Variants in PPP3CA observed in about 807,000 individuals in gnomAD.
The protein encoded by PPP3CA is protein phosphatase 3 catalytic subunit alpha, also known as CAM-PRP catalytic subunit.
PPP3CA carries 14 observed loss-of-function variants against 66.5 expected under a neutral mutation model. That is an observed-to-expected ratio of 0.21 (90% CI 0.14 to 0.33). PPP3CA has a LOEUF of 0.33. Among genes scored for constraint, PPP3CA ranks in the 10% least tolerant of loss-of-function variants. PPP3CA has a pLI of 1.00. For synonymous variants in PPP3CA, 232 were observed against 226.2 expected (o/e 1.03, Z -0.23); for missense variants, 317 against 639.5 (o/e 0.50, Z 5.44).
intron 10 of PPP3CA, among the ~76,000 whole-genome samples, chr4:101,056,964 C>G (rs1728250883): frequency 6.6e-6 from 1 of 152,020 alleles, no homozygotes; most frequent in Non-Finnish European, 1.5e-5. Context: ...CTAACCCTAA[C>G]CCTTTGAGGA....
chr4:101,311,233 T>C (rs1433644659), intron 1 of PPP3CA, among the ~76,000 whole-genome samples: 2 of 152,224 alleles, frequency 1.3e-5, no homozygotes, highest in African/African-American at 4.8e-5. Context: ...TTCTCTGTTT[T>C]AGGAGGAAGA....
intron 1 of PPP3CA, among the ~76,000 whole-genome samples, chr4:101,217,920 TG>T (rs1315854888): frequency 6.6e-6 from 1 of 152,012 alleles, no homozygotes; most frequent in Admixed American, 6.6e-5. Flanking sequence ...CATTCCTGCA[TG>T]GGGTAGACAC....
chr4:101,164,092 CTGTGAAGA>C (rs1723608533), intron 2 of PPP3CA, among the ~76,000 whole-genome samples: 1 of 151,384 alleles, frequency 6.6e-6, no homozygotes, highest in African/African-American at 2.4e-5. Context: ...AACTGATCCT[CTGTGAAGA>C]GCCCTTCCTC....
intron 2 of PPP3CA, among the ~76,000 whole-genome samples, chr4:101,132,293 A>G (rs35170337): frequency 6.6e-6 from 1 of 152,032 alleles, no homozygotes; most frequent in Non-Finnish European, 1.5e-5. Flanking sequence ...AAAAACCTTC[A>G]AAAAAATCAG....
In PPP3CA at chr4:101,256,623, G is replaced by T. The variant is rs17031040; in HGVS notation, c.59-60507C>A. Reference sequence around the variant, plus strand: ...TTAAATGACTATTAAGAAGTCTGATGAAGTTAAACTGAGATATGATGATTG... The same window carrying T: ...TTAAATGACTATTAAGAAGTCTGATTAAGTTAAACTGAGATATGATGATTG... On this transcript the variant is annotated intron_variant, in intron 1 of 13. Coordinates refer to ENST00000394854, the MANE Select transcript of PPP3CA (RefSeq NM_000944.5). Among the ~76,000 whole-genome samples, 1,468 of 152,090 alleles carry T rather than the reference G, an allele frequency of 9.7e-3. 19 individuals carry two copies. The highest frequency in any genetic ancestry group is 0.034 in the African/African-American group (1,395 of 41,516).
chr4:101,044,508 T>TA (rs1475531142), intron 10 of PPP3CA, among the ~76,000 whole-genome samples: 1 of 152,190 alleles, frequency 6.6e-6, no homozygotes, highest in Non-Finnish European at 1.5e-5. Context: ...TCTTTCCACT[T>TA]AAAAAAACAT....
intron 2 of PPP3CA, among the ~76,000 whole-genome samples, chr4:101,182,315 T>C (rs1724259797): frequency 6.6e-6 from 1 of 152,094 alleles, no homozygotes; most frequent in Admixed American, 6.6e-5. Context: ...TACTACCTAA[T>C]AAACATTAAA....
intron 1 of PPP3CA, among the ~76,000 whole-genome samples, chr4:101,232,348 C>T (rs775339489): frequency 6.6e-6 from 1 of 151,608 alleles, no homozygotes; most frequent in Non-Finnish European, 1.5e-5. Flanking sequence ...GGACCAGAGG[C>T]ACACATTTTT....
intron 6 of PPP3CA, among the ~76,000 whole-genome samples, chr4:101,085,262 T>C (rs76127279): frequency 0.036 from 5,532 of 152,308 alleles, 123 homozygotes; most frequent in Middle Eastern, 0.095. Context: ...TATACTGTCT[T>C]GTTACCACTG....
chr4:101,326,186 A>C (rs1729203209), intron 1 of PPP3CA, among the ~76,000 whole-genome samples: 1 of 152,156 alleles, frequency 6.6e-6, no homozygotes, highest in African/African-American at 2.4e-5. Flanking sequence ...TCCATAAGTA[A>C]TCTATGGGAT....
chr4:101,345,742 C>T (rs1267070460), intron 1 of PPP3CA, among the ~76,000 whole-genome samples: 3 of 152,192 alleles, frequency 2.0e-5, no homozygotes, highest in African/African-American at 7.2e-5. Flanking sequence ...CTCCGCACAT[C>T]CCAGTTTCTC....
chr4:101,136,066 T>G (rs1722610892), intron 2 of PPP3CA, among the ~76,000 whole-genome samples: 1 of 152,238 alleles, frequency 6.6e-6, no homozygotes, highest in South Asian at 2.1e-4. Flanking sequence ...TACCACTGAT[T>G]ATAAGACATA....
intron 1 of PPP3CA, among the ~76,000 whole-genome samples, chr4:101,247,705 G>C (rs1418008242): frequency 6.6e-6 from 1 of 152,080 alleles, no homozygotes; most frequent in Non-Finnish European, 1.5e-5. Flanking sequence ...ATCAATGTAG[G>C]TATTTCAACA....
At chr4:101,139,552 A>G (rs552733482) in intron 2 of PPP3CA, among the ~76,000 whole-genome samples, 1 of 152,084 alleles carries the variant, frequency 6.6e-6, no homozygotes, top group Non-Finnish European at 1.5e-5. Flanking sequence ...CAAATACTTT[A>G]TTCGACCCCT....
intron 1 of PPP3CA, among the ~76,000 whole-genome samples, chr4:101,302,205 T>C (rs1728400798): frequency 6.6e-6 from 1 of 152,220 alleles, no homozygotes; most frequent in Non-Finnish European, 1.5e-5. Context: ...CCCCAGAATG[T>C]TGCTCAAATG....
At chr4:101,142,425 T>C (rs1296181537) in intron 2 of PPP3CA, among the ~76,000 whole-genome samples, 2 of 152,194 alleles carry the variant, frequency 1.3e-5, no homozygotes, top group African/African-American at 4.8e-5. Flanking sequence ...AGCCCAAAGC[T>C]ACATTATAGA....
intron 1 of PPP3CA, among the ~76,000 whole-genome samples, chr4:101,204,352 G>A (rs1284273629): frequency 6.6e-6 from 1 of 152,090 alleles, no homozygotes; most frequent in Admixed American, 6.5e-5. Context: ...ATACACACAA[G>A]TAGGCCGGGC....
intron 10 of PPP3CA, among the ~76,000 whole-genome samples, chr4:101,041,879 CAG>C (rs935922120): frequency 6.6e-5 from 10 of 152,088 alleles, no homozygotes; most frequent in African/African-American, 2.4e-4. Flanking sequence ...CAAATAATAA[CAG>C]AAATGTTCCT....
chr4:101,235,592 T>C (rs997588505), intron 1 of PPP3CA, among the ~76,000 whole-genome samples: 5 of 151,896 alleles, frequency 3.3e-5, no homozygotes, highest in African/African-American at 9.7e-5. Context: ...AGATTGTTTA[T>C]GTTTCTCTAT....
Sources: allele counts gnomAD v4.1 joint callset (sites outside exome capture counted in the v4.1 genomes callset), GRCh38; gene constraint gnomAD v4.1.1; transcripts MANE v1.5; gene names NCBI Gene and HGNC (gene_info 2026-07-23, HGNC 2026-07-21).